Variants in NUP98 observed in about 807,000 individuals in gnomAD.
The protein encoded by NUP98 is nucleoporin 98 and 96 precursor, also known as nuclear pore complex protein Nup98-Nup96.
In NUP98, 26 loss-of-function variants were observed where a neutral mutation model predicts 191.9. The ratio of observed to expected loss-of-function variants is 0.14; its 90% CI spans 0.10 to 0.19. The LOEUF (loss-of-function observed/expected upper bound fraction) is 0.19. Among genes scored for constraint, NUP98 ranks in the 10% least tolerant of loss-of-function variants. The probability of loss-of-function intolerance (pLI) is 1.00; values close to 1 mark genes in which losing one functional copy is unlikely to be tolerated. For missense variants in NUP98, 1,941 were observed against 2,178.8 expected, an observed-to-expected ratio of 0.89 and a Z score of 2.17; for synonymous variants, 808 against 778.4, an observed-to-expected ratio of 1.04 and a Z score of -0.63.
chr11:3,720,143 T>C (rs1029676828), intron 17 of NUP98, among the ~76,000 whole-genome samples: 14 of 152,198 alleles, frequency 9.2e-5, no homozygotes, highest in South Asian at 2.1e-4. Context: ...AATGACGCTA[T>C]ATAAACAAAC....
At chr11:3,793,771 G>T (rs2082434589) in intron 1 of NUP98, among the ~76,000 whole-genome samples, 1 of 151,960 alleles carries the variant, frequency 6.6e-6, no homozygotes, top group African/African-American at 2.4e-5. Flanking sequence ...ACGAGTTCCA[G>T]ATCAGCCTGG....
intron 11 of NUP98, among the ~76,000 whole-genome samples, chr11:3,746,727 A>C (rs369134348): frequency 1.3e-5 from 2 of 151,804 alleles, no homozygotes; most frequent in African/African-American, 4.9e-5. Flanking sequence ...AGCCTGACAA[A>C]CATGGAGAAA....
chr11:3,795,788 T>A (rs868415064), intron 1 of NUP98, among the ~76,000 whole-genome samples: 4 of 152,216 alleles, frequency 2.6e-5, no homozygotes, highest in Middle Eastern at 3.2e-3. Flanking sequence ...AAGAGGGTGA[T>A]GCCTGAACTG....
At chr11:3,785,010 C>A (rs1018032328) in intron 1 of NUP98, among the ~76,000 whole-genome samples, 1 of 151,750 alleles carries the variant, frequency 6.6e-6, no homozygotes, top group African/African-American at 2.4e-5. Flanking sequence ...TGGTGGCAGG[C>A]GCCTGCCGTC....
At chr11:3,712,106 G>C in intron 20 of NUP98, 1 of 1,055,132 alleles carries the variant, frequency 9.5e-7, no homozygotes. Flanking sequence ...GTTACCCGAA[G>C]TATAAGCAAA....
Position 3,735,273 on chromosome 11 carries a change from T to C in NUP98, c.1460A>G (p.His487Arg). ...SAAQQAVLQQ[H>R]INSLTYSPFG... ...AGGTGAGTATGTTAGACTATTGATG[T>C]GCTGCTGGAGAACAGCCTGCTGGGC... The change falls in exon 13 of 33, where the codon CAC (histidine) becomes CGC (arginine). Residue 487 changes from histidine (H) to arginine (R), a missense_variant. By Grantham distance (29) the His-to-Arg change is conservative (BLOSUM62 0). Coordinates refer to ENST00000324932, the MANE Select transcript of NUP98 (RefSeq NM_016320.5). 6.3e-7 allele frequency: 1 copy of C among 1,591,090 alleles called. No individual in the cohort carries two copies. The highest frequency in any genetic ancestry group is 8.6e-7 in the Non-Finnish European group (1 of 1,166,624).
In NUP98 at chr11:3,731,510, G is replaced by A. The variant is rs1317770096; in HGVS notation, c.1611C>T (p.Pro537=). 1 of 1,608,222 alleles carries A rather than the reference G, an allele frequency of 6.2e-7. No individual in the cohort carries two copies. The highest frequency in any genetic ancestry group is 8.5e-7 in the Non-Finnish European group (1 of 1,176,888). The change falls in exon 14 of 33, where the codon CCC becomes CCT. Residue 537 remains proline (P), a synonymous_variant. Transcript: ENST00000324932. ...TTGGCCGGACTCTAGTGGCAGGGCGGGGTGTCAGTTTATAATGAGTAGGTG... is the reference window on the plus strand; with the variant it reads ...TTGGCCGGACTCTAGTGGCAGGGCGAGGTGTCAGTTTATAATGAGTAGGTG... ...LTTPTHYKLT[P]RPATRVRPKA...
At position 3,712,130 on chromosome 11, in the gene NUP98, A is replaced by T. The variant is rs1360503007; in HGVS notation, c.2742+434T>A. On this transcript the variant is annotated intron_variant, in intron 20 of 32. Coordinates refer to ENST00000324932, the MANE Select transcript of NUP98 (RefSeq NM_016320.5). ...AGTATAAGCAAACAACTTTAAAAAA[A>T]TGGAGATTAAAAACCCTTTCAGAAA... 5 of 1,060,412 alleles carry T rather than the reference A, an allele frequency of 4.7e-6. No individual in the cohort carries two copies. The Middle Eastern group carries it at 1.3e-3, about 267-fold the overall frequency. 65.7% of individuals were successfully genotyped at this position (1,060,412 alleles called of 1,614,324 possible). A position where few individuals can be genotyped will look rare whatever the true frequency, so the allele number is the denominator to read the frequency against.
At chr11:3,706,685 T>C (rs980678483) in intron 20 of NUP98, 58 bp from the exon 21 acceptor site, 3 of 1,450,482 alleles carry the variant, frequency 2.1e-6, no homozygotes, top group Non-Finnish European at 9.6e-7. Context: ...CAGAAATAGA[T>C]TCTAAATCAG....
rs902932728 is a variant in NUP98, at chr11:3,733,392, A to C, written c.1542+1799T>G. ...AATGGTGCGATCTCAGCTCACTGCA[A>C]TCTCCACCTCCCAGGTTCAAGTGAT... On this transcript the variant is annotated intron_variant, in intron 13 of 32. Transcript: ENST00000324932. 2.0e-5 allele frequency among the ~76,000 whole-genome samples: 3 copies of C among 152,098 alleles called. No individual in the cohort carries two copies. The East Asian group carries it at 5.8e-4, about 29-fold the overall frequency.
At position 3,693,413 on chromosome 11, in the gene NUP98, CCTT is replaced by C. The variant is rs754617693; in HGVS notation, c.4168-41_4168-39del. The C allele has an allele frequency of 3.1e-6, 5 of 1,608,096 alleles. 1 individual carries two copies. The South Asian group carries it at 5.5e-5, about 18-fold the overall frequency. On this transcript the variant is annotated intron_variant, in intron 26 of 32. Transcript: ENST00000324932. ...AAATCATCACCATGGCTATATTCTA[CCTT>C]GTTATTACCTGTGTGTGCAATAACA...
intron 1 of NUP98, among the ~76,000 whole-genome samples, chr11:3,793,612 T>C (rs1008185747): frequency 2.6e-5 from 4 of 151,992 alleles, no homozygotes; most frequent in Non-Finnish European, 5.9e-5. Flanking sequence ...TAAGAATTTT[T>C]CTTTCCTTAC....
chr11:3,764,628 G>A (rs572487268), intron 8 of NUP98, among the ~76,000 whole-genome samples: 5 of 152,114 alleles, frequency 3.3e-5, no homozygotes, highest in African/African-American at 1.2e-4. Context: ...ACCCAGGCTG[G>A]AGTGCAGTAG....
chr11:3,791,957 A>G lies in NUP98; in HGVS notation c.-29+5443T>C, dbSNP rs796736992. ...GACTTTGGGAGGCGGAGGTGAGCGG[A>G]TCACGAGGTCAGGAGATCGAGACCT... is the stretch of plus-strand genomic sequence containing the variant. On this transcript the variant is annotated intron_variant, in intron 1 of 32. Coordinates refer to ENST00000324932, the MANE Select transcript of NUP98 (RefSeq NM_016320.5). Among the ~76,000 whole-genome samples, 3 of 151,812 alleles carry G rather than the reference A, an allele frequency of 2.0e-5. No homozygotes were observed. In the South Asian group the frequency reaches 6.2e-4, roughly 32 times the overall value.
chr11:3,784,136 T>C (rs1337858859), intron 1 of NUP98, among the ~76,000 whole-genome samples: 1 of 152,204 alleles, frequency 6.6e-6, no homozygotes, highest in Non-Finnish European at 1.5e-5. Context: ...TCTTTTCTTC[T>C]AGGAAACTCA....
At chr11:3,697,646 TA>T (rs2078549265) in intron 25 of NUP98, among the ~76,000 whole-genome samples, 1 of 151,172 alleles carries the variant, frequency 6.6e-6, no homozygotes, top group Non-Finnish European at 1.5e-5. Flanking sequence ...CTGTCTCTAC[TA>T]AAAATAAAAA....
At chr11:3,730,987 C>T (rs1283345753) in intron 14 of NUP98, among the ~76,000 whole-genome samples, 2 of 152,242 alleles carry the variant, frequency 1.3e-5, no homozygotes, top group East Asian at 1.9e-4. Context: ...AGTGGACTGG[C>T]TGGGCACAGC....
chr11:3,695,456 C>T lies in NUP98; in HGVS notation c.4160G>A (p.Gly1387Glu). ...ERLRIFALLA[G>E]KPVWQLSEKK... ...GGTAAAAGTAGAAGATACCGGTTTT[C>T]CAGCCAACAGAGCAAAGATGCGCAG... The change falls in exon 26 of 33, where the codon GGA (glycine) becomes GAA (glutamate). Residue 1387 changes from glycine to glutamate, a missense_variant. Physicochemically the swap from Gly to Glu is moderately conservative, Grantham distance 98 (BLOSUM62 -2). This residue lies in a region of NUP98 where 1,030 missense variants were observed against 1,115.8 expected (regional missense o/e 0.92). Coordinates refer to ENST00000324932, the MANE Select transcript of NUP98 (RefSeq NM_016320.5). The T allele has an allele frequency of 1.3e-6, 2 of 1,544,990 alleles. No individual in the cohort carries two copies. The highest frequency in any genetic ancestry group is 1.7e-6 in the Non-Finnish European group (2 of 1,145,796).
intron 12 of NUP98, among the ~76,000 whole-genome samples, chr11:3,739,257 A>T (rs1337924628): frequency 6.6e-6 from 1 of 150,402 alleles, no homozygotes; most frequent in Non-Finnish European, 1.5e-5. Flanking sequence ...AATTAAAACA[A>T]TTTTTTTTTT....
Sources: allele counts gnomAD v4.1 joint callset (sites outside exome capture counted in the v4.1 genomes callset), GRCh38; gene constraint gnomAD v4.1.1; regional missense constraint gnomAD v4.1.1; transcripts MANE v1.5; gene names NCBI Gene and HGNC (gene_info 2026-07-23, HGNC 2026-07-21).